The following FREM1 variants were observed in gnomAD, a reference collection of about 807,000 sequenced individuals.
The protein encoded by FREM1 is FRAS1 related extracellular matrix 1.
Under a neutral mutation model 210.1 loss-of-function variants are expected in FREM1, and 220 were observed. That is an observed-to-expected ratio of 1.05 (90% CI 0.94 to 1.17). The LOEUF is 1.17. Ranked by LOEUF, FREM1 falls within the 50% of genes most tolerant of loss-of-function variation. The probability of loss-of-function intolerance (pLI) is 0.00; values close to 1 mark genes in which losing one functional copy is unlikely to be tolerated. For synonymous variants in FREM1, 1,189 were observed against 980.2 expected (o/e 1.21, Z -3.98); for missense variants, 3,454 against 2,675.5 (o/e 1.29, Z -6.42).
intron 10 of FREM1, among the ~76,000 whole-genome samples, chr9:14,833,705 A>G (rs979137182): frequency 4.6e-5 from 7 of 152,260 alleles, no homozygotes; most frequent in Admixed American, 6.5e-5. Context: ...TGCTCAGCTT[A>G]ATTAAGAGTG....
At chr9:14,813,854 C>T (rs1819831451) in intron 15 of FREM1, among the ~76,000 whole-genome samples, 1 of 152,196 alleles carries the variant, frequency 6.6e-6, no homozygotes, top group African/African-American at 2.4e-5. Context: ...ATCCTCTCAA[C>T]CCTACACCTT....
rs567526659 is a variant in FREM1 at position 14,895,838 on chromosome 9, CT to C, written c.-268+14075del. ...TAGTTAGGCAGGAATATCATCACCCCTATTCAGCCTGAAGAAGTTACAGAAT... is the reference window on the plus strand; with the variant it reads ...TAGTTAGGCAGGAATATCATCACCCCATTCAGCCTGAAGAAGTTACAGAAT... On this transcript the variant is annotated intron_variant, in intron 1 of 36. Coordinates refer to ENST00000380880, the MANE Select transcript of FREM1 (RefSeq NM_001379081.2). Among the ~76,000 whole-genome samples, 61 of 152,174 alleles carry C rather than the reference CT, an allele frequency of 4.0e-4. 1 individual carries two copies. Among genetic ancestry groups the C allele is most frequent in the African/African-American group, 1.3e-3 (56 of 41,510 alleles).
intron 27 of FREM1, among the ~76,000 whole-genome samples, chr9:14,764,448 T>C (rs886932656): frequency 6.6e-6 from 1 of 152,246 alleles, no homozygotes; most frequent in African/African-American, 2.4e-5. Flanking sequence ...TTATTCTGGA[T>C]TCTTTGACTA....
At chr9:14,857,490 C>T in intron 5 of FREM1, 63 bp downstream of exon 5, 1 of 1,359,964 alleles carries the variant, frequency 7.4e-7, no homozygotes, top group Non-Finnish European at 1.1e-6. Context: ...CATGAGTAAG[C>T]CTGTGTAACT....
chr9:14,882,792 C>G (rs979508287), intron 1 of FREM1, among the ~76,000 whole-genome samples: 1 of 150,506 alleles, frequency 6.6e-6, no homozygotes. Context: ...AACATACTTT[C>G]CTCTTTCAAA....
At chr9:14,771,608 G>C (rs1233949991) in intron 25 of FREM1, among the ~76,000 whole-genome samples, 1 of 152,164 alleles carries the variant, frequency 6.6e-6, no homozygotes, top group Non-Finnish European at 1.5e-5. Flanking sequence ...GATTAGAACA[G>C]ATCCACCACT....
In FREM1 at chr9:14,863,866, T is replaced by C. The variant is rs954211623; in HGVS notation, c.272A>G (p.Tyr91Cys). 1.9e-6 allele frequency: 3 copies of C among 1,613,348 alleles called. No individual in the cohort carries two copies. Among genetic ancestry groups the C allele is most frequent in the African/African-American group, 2.7e-5 (2 of 75,030 alleles). Reference sequence around the variant, plus strand: ...AAGAATTGGACAACCATTGTGAACATACTTGACTTCGTTGGGAAGGAAATG... The same window carrying C: ...AAGAATTGGACAACCATTGTGAACACACTTGACTTCGTTGGGAAGGAAATG... ...DCHFLPNEVK[Y>C]VHNGCPILDE... Residue 91 changes from tyrosine to cysteine, a missense_variant, in exon 3 of 37, where the codon TAT becomes TGT. Coordinates refer to ENST00000380880, the MANE Select transcript of FREM1 (RefSeq NM_001379081.2).
At chr9:14,878,473 G>A (rs1402151626) in intron 1 of FREM1, among the ~76,000 whole-genome samples, 3 of 152,084 alleles carry the variant, frequency 2.0e-5, no homozygotes, top group Non-Finnish European at 4.4e-5. Flanking sequence ...AACCCCATTA[G>A]AATTATGTCA....
Position 14,836,558 on chromosome 9 carries a change from C to A in FREM1, c.1881+4889G>T, listed in dbSNP as rs962480036. 6.6e-6 allele frequency among the ~76,000 whole-genome samples: 1 copy of A among 152,306 alleles called. No homozygotes were observed. Among genetic ancestry groups the A allele is most frequent in the East Asian group, 1.9e-4 (1 of 5,184 alleles). On this transcript the variant is annotated intron_variant, in intron 10 of 36. Transcript: ENST00000380880. The surrounding 1 kb of genome is among the most constrained non-coding windows in gnomAD (Gnocchi z 4.9). ...GGCTACAATCCCTCTTTAATAAATT[C>A]CAGTCTTCTTTCTGGAATTGGTTAA...
At position 14,842,482 on chromosome 9, in the gene FREM1, G is replaced by A. The variant is rs764158220; in HGVS notation, c.1572C>T (p.Leu524=). 2 of 1,614,080 alleles carry A rather than the reference G, an allele frequency of 1.2e-6. No individual in the cohort carries two copies. The highest frequency in any genetic ancestry group is 1.7e-6 in the Non-Finnish European group (2 of 1,179,900). Residue 524 remains leucine, a synonymous_variant, in exon 9 of 37, where the codon CTC becomes CTT. Transcript: ENST00000380880. ...VLPKDDSPPF[L]ITNVVIELEE... is the part of the protein sequence containing the mutation. Reference sequence around the variant, plus strand: ...CCAGTTCAATCACAACATTGGTTATGAGGAACGGGGGACTATCATCTTTGG... The same window carrying A: ...CCAGTTCAATCACAACATTGGTTATAAGGAACGGGGGACTATCATCTTTGG...
chr9:14,891,191 G>T (rs77801859), intron 1 of FREM1, among the ~76,000 whole-genome samples: 2 of 152,124 alleles, frequency 1.3e-5, no homozygotes, highest in African/African-American at 4.8e-5. Context: ...GTTTAAATTC[G>T]TATTAAATCA....
chr9:14,831,018 T>C (rs911267349), intron 10 of FREM1, among the ~76,000 whole-genome samples: 2 of 152,210 alleles, frequency 1.3e-5, no homozygotes. Flanking sequence ...GATATAAGGC[T>C]TGCTGGGGAG....
At chr9:14,852,152 G>A (rs1827867800) in intron 5 of FREM1, among the ~76,000 whole-genome samples, 1 of 152,172 alleles carries the variant, frequency 6.6e-6, no homozygotes, top group Non-Finnish European at 1.5e-5. Context: ...GGCAGGAGAA[G>A]GATGAAGGAA....
At position 14,792,792 on chromosome 9, in the gene FREM1, ATCT is replaced by A. The variant is rs538512251; in HGVS notation, c.3929_3931del (p.Lys1310del). On this transcript the variant is annotated inframe_deletion, in exon 22 of 37. Coordinates refer to ENST00000380880, the MANE Select transcript of FREM1 (RefSeq NM_001379081.2). ...GGGAAGCCTTTCAAATACATAGTAA[ATCT>A]TCTCCCTGGGTGAGTCTTCATCTAT... The A allele has an allele frequency of 6.3e-4, 1,016 of 1,608,984 alleles. 1 individual carries two copies. The highest frequency in any genetic ancestry group is 1.3e-3 in the Admixed American group (76 of 59,586).
chr9:14,879,618 T>C (rs1834423832), intron 1 of FREM1, among the ~76,000 whole-genome samples: 1 of 152,204 alleles, frequency 6.6e-6, no homozygotes, highest in Non-Finnish European at 1.5e-5. Flanking sequence ...TAGATATACT[T>C]ATACCATGGA....
At chr9:14,803,038 TTTC>T (rs1391226740) in intron 19 of FREM1, among the ~76,000 whole-genome samples, 2 of 144,188 alleles carry the variant, frequency 1.4e-5, no homozygotes, top group Non-Finnish European at 3.0e-5. Flanking sequence ...TTCTCTTTCT[TTTC>T]TTCTTTCTCT....
chr9:14,801,541 T>C, intron 20 of FREM1, 111 bp downstream of exon 20: 1 of 748,182 alleles, frequency 1.3e-6, no homozygotes. Context: ...CTAGTAACCA[T>C]CATTCTACTC....
chr9:14,860,710 CATATATACACAT>C lies in FREM1; in HGVS notation c.330-1238_330-1227del, dbSNP rs1564100607. ...ACATATATACACACATATATACACA[CATATATACACAT>C]ATATACACATATATACACATATATA... On this transcript the variant is annotated intron_variant, in intron 3 of 36. Transcript: ENST00000380880. Among the ~76,000 whole-genome samples, 4 of 67,168 alleles carry C rather than the reference CATATATACACAT, an allele frequency of 6.0e-5. 1 individual carries two copies. The highest frequency in any genetic ancestry group is 8.6e-5 in the African/African-American group (1 of 11,686). 44.1% of individuals were successfully genotyped at this position (67,168 alleles called of 152,430 possible). A position where few individuals can be genotyped will look rare whatever the true frequency, so the allele number is the denominator to read the frequency against.
In FREM1 at chr9:14,816,800, G is replaced by A. The variant is rs759583422; in HGVS notation, c.2618C>T (p.Ala873Val). The A allele has an allele frequency of 1.4e-5, 20 of 1,431,134 alleles. No homozygotes were observed. Among genetic ancestry groups the A allele is most frequent in the Non-Finnish European group, 1.8e-5 (19 of 1,064,612 alleles). 88.7% of individuals were successfully genotyped at this position (1,431,134 alleles called of 1,614,324 possible). Residue 873 changes from alanine to valine, a missense_variant, in exon 15 of 37, where the codon GCA becomes GTA. By Grantham distance (64) the Ala-to-Val change is moderately conservative. Transcript: ENST00000380880. ...CACCTCAACATGTAGTACAAATTCT[G>A]CTGAATTTGTGCCATCGGTGACCTC... The part of the protein sequence containing the change: ...LLEVTDGTNS[A>V]EFVLHVEVFP...
Sources: allele counts gnomAD v4.1 joint callset (sites outside exome capture counted in the v4.1 genomes callset), GRCh38; gene constraint gnomAD v4.1.1; non-coding constraint Gnocchi (gnomAD v3.1); transcripts MANE v1.5; gene names NCBI Gene and HGNC (gene_info 2026-07-23, HGNC 2026-07-21).